Variants in DLG2 observed in about 807,000 individuals in gnomAD.
The protein encoded by DLG2 is disks large homolog 2.
A neutral mutation model predicts 132.5 loss-of-function variants in DLG2; 45 were observed. That is an observed-to-expected ratio of 0.34 (90% CI 0.27 to 0.44). The LOEUF is 0.44. Among genes scored for constraint, DLG2 ranks in the 20% least tolerant of loss-of-function variants. DLG2 has a pLI of 1.00. For missense variants in DLG2, 1,045 were observed against 1,196.9 expected (o/e 0.87, Z 1.87); for synonymous variants, 424 against 419.6 (o/e 1.01, Z -0.13).
At chr11:83,833,005 AT>A (rs1394811455) in intron 17 of DLG2, among the ~76,000 whole-genome samples, 1 of 152,208 alleles carries the variant, frequency 6.6e-6, no homozygotes, top group Admixed American at 6.5e-5. Flanking sequence ...GTAATATATC[AT>A]TTTTAAAAAG....
At position 85,321,120 on chromosome 11, in the gene DLG2, T is replaced by A. The variant is rs574234514; in HGVS notation, c.41-35755A>T. 7.4e-4 allele frequency among the ~76,000 whole-genome samples: 113 copies of A among 151,964 alleles called. 1 individual carries two copies. Among genetic ancestry groups the A allele is most frequent in the African/African-American group, 2.4e-3 (98 of 41,518 alleles). Reference sequence around the variant, plus strand: ...ATAGTGATTTGAATGAGGGTAATAATGGACAAAGTGATGAAAAAATATTGG... The same window carrying A: ...ATAGTGATTTGAATGAGGGTAATAAAGGACAAAGTGATGAAAAAATATTGG... On this transcript the variant is annotated intron_variant, in intron 3 of 27. Transcript: ENST00000376104.
chr11:83,593,188 T>C (rs916078482), intron 19 of DLG2, among the ~76,000 whole-genome samples: 1 of 145,982 alleles, frequency 6.9e-6, no homozygotes, highest in African/African-American at 2.6e-5. Flanking sequence ...TAAAGACACA[T>C]GCACACGTAT....
intron 21 of DLG2, among the ~76,000 whole-genome samples, chr11:83,531,174 A>T (rs1014454180): frequency 1.4e-3 from 71 of 50,170 alleles, no homozygotes; most frequent in African/African-American, 5.0e-3. Context: ...CTTCACCAAA[A>T]TTAGAACCTT....
chr11:85,524,796 T>C (rs77625182), intron 3 of DLG2, among the ~76,000 whole-genome samples: 2 of 152,102 alleles, frequency 1.3e-5, no homozygotes, highest in African/African-American at 4.8e-5. Context: ...ACCCCACTGC[T>C]ACTCTAATTT....
chr11:83,719,240 T>C (rs192771968), intron 18 of DLG2, among the ~76,000 whole-genome samples: 40 of 152,256 alleles, frequency 2.6e-4, no homozygotes, highest in African/African-American at 8.9e-4. Flanking sequence ...GAGAAGCCCA[T>C]GAAGCAAGCT....
intron 6 of DLG2, among the ~76,000 whole-genome samples, chr11:84,778,877 G>A (rs1332179068): frequency 6.6e-6 from 1 of 152,178 alleles, no homozygotes; most frequent in Non-Finnish European, 1.5e-5. Context: ...GGTGAAAGAA[G>A]CTGACTTGCT....
chr11:83,798,631 C>T (rs1321692348), intron 17 of DLG2, among the ~76,000 whole-genome samples: 1 of 152,082 alleles, frequency 6.6e-6, no homozygotes, highest in African/African-American at 2.4e-5. Flanking sequence ...AGGTACAGAA[C>T]ACAGGGGACT....
chr11:83,788,393 G>A (rs148618723), intron 17 of DLG2, among the ~76,000 whole-genome samples: 2 of 152,286 alleles, frequency 1.3e-5, no homozygotes, highest in African/African-American at 4.8e-5. Context: ...GGAGTCCACT[G>A]AGCTAGGCCT....
chr11:85,037,896 C>A (rs150715190), intron 6 of DLG2, among the ~76,000 whole-genome samples: 65 of 152,156 alleles, frequency 4.3e-4, no homozygotes, highest in African/African-American at 1.5e-3. Context: ...TAATATGGGT[C>A]ATGTCTGAGT....
intron 3 of DLG2, among the ~76,000 whole-genome samples, chr11:85,388,277 C>T (rs1167167736): frequency 1.3e-5 from 2 of 152,126 alleles, no homozygotes; most frequent in Non-Finnish European, 2.9e-5. Context: ...ACCACACCCC[C>T]AGCCCCCAAA....
intron 21 of DLG2, among the ~76,000 whole-genome samples, chr11:83,498,920 A>C (rs1369086875): frequency 6.6e-6 from 1 of 152,106 alleles, no homozygotes; most frequent in African/African-American, 2.4e-5. Flanking sequence ...AGGGAATACT[A>C]TGAACAATTA....
chr11:83,580,468 C>T (rs967583628), intron 19 of DLG2, among the ~76,000 whole-genome samples: 1 of 152,136 alleles, frequency 6.6e-6, no homozygotes, highest in Admixed American at 6.5e-5. Flanking sequence ...CAATAAAGTT[C>T]TGCCATGATG....
In DLG2 at chr11:84,729,063, G is replaced by A. The variant is rs190771147; in HGVS notation, c.358-194332C>T. On this transcript the variant is annotated intron_variant, in intron 6 of 27. Transcript: ENST00000376104. ...CTCCTGGATTCATTGATTTTTTGAA[G>A]GTTTTTTTGGGTCTGTATCTCCTTC... Among the ~76,000 whole-genome samples the A allele has an allele frequency of 3.2e-3, 486 of 152,014 alleles. 2 individuals are homozygous for A. The highest frequency in any genetic ancestry group is 0.011 in the African/African-American group (445 of 41,454).
At chr11:83,696,845 G>T (rs1162014139) in intron 18 of DLG2, among the ~76,000 whole-genome samples, 3 of 152,198 alleles carry the variant, frequency 2.0e-5, no homozygotes, top group African/African-American at 4.8e-5. Flanking sequence ...ACTGCTATTG[G>T]AGAGTTGCAA....
intron 3 of DLG2, among the ~76,000 whole-genome samples, chr11:85,557,150 T>C (rs2076985731): frequency 6.6e-6 from 1 of 151,564 alleles, no homozygotes; most frequent in African/African-American, 2.4e-5. Context: ...ATGAGAACAG[T>C]AATAATAATA....
chr11:84,130,240 C>T (rs1381389229), intron 9 of DLG2, among the ~76,000 whole-genome samples: 2 of 151,876 alleles, frequency 1.3e-5, no homozygotes, highest in African/African-American at 2.4e-5. Flanking sequence ...CAAAGTAAGT[C>T]AACCTATGAC....
At chr11:85,070,273 G>A (rs993364147) in intron 6 of DLG2, among the ~76,000 whole-genome samples, 18 of 151,114 alleles carry the variant, frequency 1.2e-4, no homozygotes, top group African/African-American at 4.1e-4. Context: ...TGCATGTTGT[G>A]CACATGTACC....
intron 20 of DLG2, among the ~76,000 whole-genome samples, chr11:83,537,788 C>T (rs1017624205): frequency 1.9e-5 from 2 of 105,234 alleles, no homozygotes; most frequent in Admixed American, 1.5e-4. Flanking sequence ...GCCTAGGCAA[C>T]GAAAGTGAGA....
chr11:84,449,293 T>C (rs2099044548), intron 7 of DLG2, among the ~76,000 whole-genome samples: 1 of 151,856 alleles, frequency 6.6e-6, no homozygotes. Context: ...AATGAAAACA[T>C]ACAAATCATT....
Sources: gnomAD v4.1 joint callset for allele counts (sites outside exome capture counted in the v4.1 genomes callset) on GRCh38, gnomAD v4.1.1 for gene constraint, MANE v1.5 for transcripts, NCBI Gene and HGNC (gene_info 2026-07-23, HGNC 2026-07-21) for gene names.